ZFPM2: variants seen among roughly 807,000 people sequenced by gnomAD.
ZFPM2 encodes the protein zinc finger protein, FOG family member 2.
ZFPM2 carries 20 observed loss-of-function variants against 98.6 expected under a neutral mutation model. The observed-to-expected ratio is 0.20, with a 90% CI of 0.14 to 0.29. ZFPM2 has a LOEUF of 0.29. ZFPM2 is among the 10% of genes least tolerant of loss of function. The probability of loss-of-function intolerance (pLI) is 1.00; values close to 1 mark genes in which losing one functional copy is unlikely to be tolerated. For missense variants in ZFPM2, 1,310 were observed against 1,388.6 expected, an observed-to-expected ratio of 0.94 and a Z score of 0.90; for synonymous variants, 518 against 502.7, an observed-to-expected ratio of 1.03 and a Z score of -0.41.
chr8:105,517,499 A>C (rs2130531934), intron 3 of ZFPM2, among the ~76,000 whole-genome samples: 1 of 152,240 alleles, frequency 6.6e-6, no homozygotes, highest in South Asian at 2.1e-4. Flanking sequence ...CAAGCTAATT[A>C]ATATATCTAT....
At chr8:105,511,856 G>C (rs1441990651) in intron 3 of ZFPM2, among the ~76,000 whole-genome samples, 1 of 152,058 alleles carries the variant, frequency 6.6e-6, no homozygotes, top group African/African-American at 2.4e-5. Flanking sequence ...CTTATAAAAG[G>C]CACCACAGGT....
In ZFPM2 at chr8:105,544,875, C is replaced by CT. The variant is rs1586451391; in HGVS notation, c.302-16482dup. Among the ~76,000 whole-genome samples, 3 of 152,194 alleles carry CT rather than the reference C, an allele frequency of 2.0e-5. No homozygotes were observed. In the East Asian group the frequency reaches 5.8e-4, roughly 29 times the overall value. ...GTACACAGCTTGTTCATGGAACCAT[C>CT]TTTTTTATATATCATGGATTGGTAA... is the stretch of plus-strand genomic sequence containing the variant. On this transcript the variant is annotated intron_variant, in intron 3 of 7. Coordinates refer to ENST00000407775, the MANE Select transcript of ZFPM2 (RefSeq NM_012082.4).
intron 3 of ZFPM2, among the ~76,000 whole-genome samples, chr8:105,517,090 A>G (rs1756098967): frequency 6.6e-6 from 1 of 152,188 alleles, no homozygotes; most frequent in Admixed American, 6.5e-5. Flanking sequence ...GGAACCCTTC[A>G]CTACACTTCA....
intron 5 of ZFPM2, among the ~76,000 whole-genome samples, chr8:105,679,227 C>A (rs541635939): frequency 6.6e-6 from 1 of 152,250 alleles, no homozygotes; most frequent in Non-Finnish European, 1.5e-5. Context: ...AGTATTTCTG[C>A]AGTCTCTTTA....
chr8:105,803,481 C>T lies in ZFPM2; in HGVS notation c.3399C>T (p.Asn1133=), dbSNP rs1563575706. 1 of 1,613,160 alleles carries T rather than the reference C, an allele frequency of 6.2e-7. No individual in the cohort carries two copies. The highest frequency in any genetic ancestry group is 8.5e-7 in the Non-Finnish European group (1 of 1,179,510). ...ATATCCAGTTCAACAACCTTTCAAA[C>T]TTTATAACTCACAAGAAGTTTTATT... The part of the protein sequence containing the change: ...LCDIQFNNLS[N]FITHKKFYCS... Residue 1133 remains asparagine (N), a synonymous_variant, in exon 8 of 8, where the codon AAC becomes AAT. Coordinates refer to ENST00000407775, the MANE Select transcript of ZFPM2 (RefSeq NM_012082.4).
chr8:105,548,248 C>T (rs1159365380), intron 3 of ZFPM2, among the ~76,000 whole-genome samples: 1 of 151,834 alleles, frequency 6.6e-6, no homozygotes, highest in Non-Finnish European at 1.5e-5. Flanking sequence ...CTTTCAGGAT[C>T]CTTATATTAA....
chr8:105,745,858 C>G (rs1403701745), intron 5 of ZFPM2, among the ~76,000 whole-genome samples: 1 of 152,070 alleles, frequency 6.6e-6, no homozygotes, highest in Non-Finnish European at 1.5e-5. Flanking sequence ...CTCTGGGGTT[C>G]AAGTGATTCT....
chr8:105,720,227 C>T (rs1445569294), intron 5 of ZFPM2, among the ~76,000 whole-genome samples: 1 of 151,840 alleles, frequency 6.6e-6, no homozygotes, highest in African/African-American at 2.4e-5. Context: ...CGATTCTGCT[C>T]ATGTCCTTAT....
chr8:105,380,738 A>ATATATATATGTTATATATAACATATATAT (rs1810852050), intron 1 of ZFPM2, among the ~76,000 whole-genome samples: 1 of 44,332 alleles, frequency 2.3e-5, no homozygotes, highest in African/African-American at 1.3e-4. Context: ...CATATATATT[A>ATATATATATGTTATATATAACATATATAT]TATATATATG....
In ZFPM2 at chr8:105,556,870, G is replaced by T. The variant is rs558374609; in HGVS notation, c.302-4493G>T. ...CCCGAGTAGTTGGGATTACAGACAT[G>T]CACCACCACAACCAGCTAATATTTG... On this transcript the variant is annotated intron_variant, in intron 3 of 7. Transcript: ENST00000407775. Among the ~76,000 whole-genome samples, 14 of 151,940 alleles carry T rather than the reference G, an allele frequency of 9.2e-5. 1 individual carries two copies. The highest frequency in any genetic ancestry group is 2.1e-4 in the Non-Finnish European group (14 of 67,970).
intron 2 of ZFPM2, among the ~76,000 whole-genome samples, chr8:105,420,340 A>C (rs1586359525): frequency 6.6e-6 from 1 of 152,306 alleles, no homozygotes; most frequent in South Asian, 2.1e-4. Context: ...GTATATATTT[A>C]ATCATTAAAA....
intron 3 of ZFPM2, among the ~76,000 whole-genome samples, chr8:105,550,767 C>A (rs960177543): frequency 1.3e-5 from 2 of 152,066 alleles, no homozygotes; most frequent in African/African-American, 4.8e-5. Flanking sequence ...CAAAGGATAG[C>A]TAGGGTTGAA....
chr8:105,343,029 G>A (rs376437250), intron 1 of ZFPM2, among the ~76,000 whole-genome samples: 25 of 152,130 alleles, frequency 1.6e-4, no homozygotes, highest in African/African-American at 5.8e-4. Context: ...TTATTTAAAT[G>A]GCTTTTACTA....
Position 105,334,118 on chromosome 8 carries a change from CTGTGTGTGTGTGTG to C in ZFPM2, c.40+15166_40+15179del, listed in dbSNP as rs71305145. Among the ~76,000 whole-genome samples, 16 of 120,454 alleles carry C rather than the reference CTGTGTGTGTGTGTG, an allele frequency of 1.3e-4. No homozygotes were observed. In the East Asian group the frequency reaches 2.3e-3, roughly 17 times the overall value. The allele number at this position is 120,454 out of a possible 152,430, so 79.0% of individuals were successfully genotyped here. A position where few individuals can be genotyped will look rare whatever the true frequency, so the allele number is the denominator to read the frequency against. On this transcript the variant is annotated intron_variant, in intron 1 of 7. Transcript: ENST00000407775. Reference sequence around the variant, plus strand: ...CACTGCCATTACTGCTAGTAATAAACTGTGTGTGTGTGTGTGTGTGTGTGTGTGTGTGTGTGTGT... The same window carrying C: ...CACTGCCATTACTGCTAGTAATAAACTGTGTGTGTGTGTGTGTGTGTGTGT...
intron 3 of ZFPM2, among the ~76,000 whole-genome samples, chr8:105,539,699 A>G (rs1030028957): frequency 3.9e-5 from 6 of 152,186 alleles, no homozygotes; most frequent in Non-Finnish European, 7.4e-5. Context: ...TTGCAAAGTT[A>G]TAATTATATT....
chr8:105,711,939 A>T (rs1425822364), intron 5 of ZFPM2, among the ~76,000 whole-genome samples: 4 of 151,984 alleles, frequency 2.6e-5, no homozygotes, highest in African/African-American at 7.2e-5. Context: ...TTGTGTATTT[A>T]TGCCTCTTAA....
At chr8:105,566,282 A>G (rs1172852179) in intron 4 of ZFPM2, among the ~76,000 whole-genome samples, 1 of 152,180 alleles carries the variant, frequency 6.6e-6, no homozygotes, top group Non-Finnish European at 1.5e-5. Flanking sequence ...AATTGATACC[A>G]GTGAGGGAGC....
chr8:105,510,238 T>G (rs933038249), intron 3 of ZFPM2, among the ~76,000 whole-genome samples: 1 of 152,162 alleles, frequency 6.6e-6, no homozygotes, highest in Admixed American at 6.6e-5. Flanking sequence ...AAGAGCCAAG[T>G]CACCTCACTC....
chr8:105,320,874 G>A (rs1812012040), intron 1 of ZFPM2, among the ~76,000 whole-genome samples: 1 of 152,112 alleles, frequency 6.6e-6, no homozygotes, highest in South Asian at 2.1e-4. Flanking sequence ...TATCAAAAAT[G>A]CTTGAAAGTT....
Sources: allele counts gnomAD v4.1 joint callset (sites outside exome capture counted in the v4.1 genomes callset), GRCh38; gene constraint gnomAD v4.1.1; transcripts MANE v1.5; gene names NCBI Gene and HGNC (gene_info 2026-07-23, HGNC 2026-07-21).